SV2C: variants seen among roughly 807,000 people sequenced by gnomAD.
SV2C encodes solute carrier family 22 member B3.
In SV2C, 49 loss-of-function variants were observed where a neutral mutation model predicts 79.7. That is an observed-to-expected ratio of 0.61 (90% CI 0.49 to 0.78). SV2C has a LOEUF of 0.78. SV2C is among the 30% of genes least tolerant of loss of function. The pLI, the probability that SV2C is intolerant of heterozygous loss-of-function variation, is 0.00. For synonymous variants in SV2C, 334 were observed against 333.2 expected, an observed-to-expected ratio of 1.00 and a Z score of -0.03; for missense variants, 833 against 912.9, an observed-to-expected ratio of 0.91 and a Z score of 1.13.
chr5:76,179,474 G>A (rs1321782767), intron 2 of SV2C, among the ~76,000 whole-genome samples: 2 of 152,128 alleles, frequency 1.3e-5, no homozygotes, highest in Non-Finnish European at 2.9e-5. Flanking sequence ...CTGAGAAGCG[G>A]ATGGCTGACT....
the SV2C span, among the ~76,000 whole-genome samples, chr5:75,884,623 A>T: frequency 1.3e-5 from 2 of 152,216 alleles, no homozygotes; most frequent in Middle Eastern, 6.8e-3. Flanking sequence ...GAACTTAAAA[A>T]ACATATTGTA....
upstream of SV2C, chr5:76,079,718 A>T (rs946902786): frequency 1.4e-5 from 4 of 284,792 alleles, no homozygotes; most frequent in Non-Finnish European, 2.9e-5. Flanking sequence ...TGTCCCTTCA[A>T]ACTTCGAATT....
intron 1 of SV2C, among the ~76,000 whole-genome samples, chr5:76,101,294 A>G (rs1747735433): frequency 6.6e-6 from 1 of 152,208 alleles, no homozygotes; most frequent in South Asian, 2.1e-4. Flanking sequence ...GGAACCACAC[A>G]TTTAGAAAGA....
At chr5:76,324,739 G>T (rs772886724) in intron 12 of SV2C, among the ~76,000 whole-genome samples, 6 of 151,972 alleles carry the variant, frequency 3.9e-5, no homozygotes. Context: ...GTAGTCCCAA[G>T]TAGCAACTCA....
intron 4 of SV2C, among the ~76,000 whole-genome samples, chr5:76,243,010 T>C (rs1333108660): frequency 5.8e-5 from 2 of 34,594 alleles, no homozygotes; most frequent in Admixed American, 9.7e-4. Context: ...CGAGACCCCA[T>C]CTAAAAAAAA....
intron 4 of SV2C, among the ~76,000 whole-genome samples, chr5:76,223,493 A>ATATG (rs1350572523): frequency 2.6e-4 from 9 of 35,174 alleles, no homozygotes; most frequent in South Asian, 5.5e-4. Context: ...ATATATATAT[A>ATATG]TATGTATATG....
chr5:75,869,997 G>A, the SV2C span, among the ~76,000 whole-genome samples: 2 of 152,062 alleles, frequency 1.3e-5, no homozygotes, highest in Non-Finnish European at 1.5e-5. Flanking sequence ...CAACACTCAA[G>A]TCCTTTCAAA....
chr5:76,185,643 T>C (rs1161988012), intron 2 of SV2C, among the ~76,000 whole-genome samples: 2 of 152,264 alleles, frequency 1.3e-5, no homozygotes, highest in African/African-American at 2.4e-5. Flanking sequence ...CTTTTAGCCA[T>C]AGCTGGAGCT....
chr5:75,900,650 G>T, the SV2C span, among the ~76,000 whole-genome samples: 1 of 152,144 alleles, frequency 6.6e-6, no homozygotes, highest in Admixed American at 6.5e-5. Context: ...ATAATATCCT[G>T]CAGAGTGTTT....
At chr5:76,338,677 A>G (rs1580087567), downstream of SV2C, among the ~76,000 whole-genome samples, 1 of 102,488 alleles carries the variant, frequency 9.8e-6, no homozygotes, top group Admixed American at 1.1e-4. Context: ...TTTTTTTTTG[A>G]GACAGATTCT....
chr5:76,079,413 A>G (rs931401227), upstream of SV2C: 3 of 298,574 alleles, frequency 1.0e-5, no homozygotes, highest in Admixed American at 1.1e-4. Context: ...GGAGGCTGCT[A>G]TCAGGCTCTG....
At chr5:75,956,546 AAAT>A in the SV2C span, among the ~76,000 whole-genome samples, 1 of 151,774 alleles carries the variant, frequency 6.6e-6, no homozygotes, top group African/African-American at 2.4e-5. Context: ...TAAAGTATAA[AAAT>A]AATAATAATA....
At chr5:76,030,267 T>G in the SV2C span, among the ~76,000 whole-genome samples, 1,475 of 32,394 alleles carry the variant, frequency 0.046, 66 homozygotes, top group African/African-American at 0.28. Flanking sequence ...CAGAGGCTTG[T>G]TTTTTTTTTT....
chr5:76,156,475 A>T (rs568443798), intron 2 of SV2C, among the ~76,000 whole-genome samples: 12 of 152,302 alleles, frequency 7.9e-5, no homozygotes, highest in Admixed American at 4.6e-4. Context: ...CCAGTTTCCA[A>T]CAGAAAAACT....
rs35964222 is a variant in SV2C at position 76,108,842 on chromosome 5, C to A, written c.-101-22808C>A. On this transcript the variant is annotated intron_variant, in intron 1 of 12. Transcript: ENST00000502798. ...AAAAAAATATAATTTGGTTGTTTGG[C>A]GTCATGTAGACAAAGAAGTTGACTA... 4.3e-3 allele frequency among the ~76,000 whole-genome samples: 661 copies of A among 152,240 alleles called. 5 individuals carry two copies. The highest frequency in any genetic ancestry group is 0.013 in the African/African-American group (560 of 41,546).
chr5:75,917,115 T>C, the SV2C span, among the ~76,000 whole-genome samples: 1 of 152,232 alleles, frequency 6.6e-6, no homozygotes, highest in Non-Finnish European at 1.5e-5. Flanking sequence ...TACGGAGATT[T>C]CCTGGGATCA....
At chr5:75,866,214 A>ATT in the SV2C span, among the ~76,000 whole-genome samples, 4 of 151,104 alleles carry the variant, frequency 2.6e-5, no homozygotes, top group Non-Finnish European at 5.9e-5. Context: ...TCTCCAATGC[A>ATT]TTTTTTTTTC....
chr5:75,871,776 C>A, the SV2C span, among the ~76,000 whole-genome samples: 77 of 150,602 alleles, frequency 5.1e-4, no homozygotes, highest in African/African-American at 1.8e-3. Flanking sequence ...CCACTGCACT[C>A]CAGCCTGGCA....
chr5:76,253,861 T>C (rs1394749865), intron 4 of SV2C, among the ~76,000 whole-genome samples: 1 of 152,188 alleles, frequency 6.6e-6, no homozygotes, highest in Non-Finnish European at 1.5e-5. Context: ...CTCCATGTAT[T>C]ATGAGAAGAA....
Sources: gnomAD v4.1 joint callset for allele counts (sites outside exome capture counted in the v4.1 genomes callset) on GRCh38, gnomAD v4.1.1 for gene constraint, MANE v1.5 for transcripts, NCBI Gene and HGNC (gene_info 2026-07-23, HGNC 2026-07-21) for gene names.